The following LRP1B variants were observed in gnomAD, a reference collection of about 807,000 sequenced individuals.
LRP1B encodes the protein low-density lipoprotein receptor-related protein 1B.
Under a neutral mutation model 556.6 loss-of-function variants are expected in LRP1B, and 217 were observed. That is an observed-to-expected ratio of 0.39 (90% CI 0.35 to 0.44). The LOEUF is 0.44. Among genes scored for constraint, LRP1B ranks in the 20% least tolerant of loss-of-function variants. The pLI is 1.00. For synonymous variants in LRP1B, 2,047 were observed against 1,865.8 expected, an observed-to-expected ratio of 1.10 and a Z score of -2.50; for missense variants, 5,053 against 5,620.8, an observed-to-expected ratio of 0.90 and a Z score of 3.23.
intron 3 of LRP1B, among the ~76,000 whole-genome samples, chr2:141,278,690 T>G (rs1055001030): frequency 6.6e-6 from 1 of 152,154 alleles, no homozygotes; most frequent in African/African-American, 2.4e-5. Context: ...GAGGCCTGCT[T>G]TGTTGAAGCT....
intron 1 of LRP1B, among the ~76,000 whole-genome samples, chr2:141,927,274 T>C (rs1027611710): frequency 1.3e-5 from 2 of 152,176 alleles, no homozygotes; most frequent in African/African-American, 4.8e-5. Flanking sequence ...GAACTATGGG[T>C]AAATGTTGTG....
rs1461766852 is a variant in LRP1B at position 142,008,155 on chromosome 2, C to T, written c.82+122493G>A. Among the ~76,000 whole-genome samples the T allele has an allele frequency of 9.9e-5, 15 of 152,166 alleles. 1 individual carries two copies. On this transcript the variant is annotated intron_variant, in intron 1 of 90. Coordinates refer to ENST00000389484, the MANE Select transcript of LRP1B (RefSeq NM_018557.3). ...TACTAAAGGTCCTTGTTAGGCTACCCAAGTGGGCACATAGATTTAACCTTG... is the reference window on the plus strand; with the variant it reads ...TACTAAAGGTCCTTGTTAGGCTACCTAAGTGGGCACATAGATTTAACCTTG...
intron 51 of LRP1B, among the ~76,000 whole-genome samples, chr2:140,510,893 T>C (rs1374556643): frequency 6.6e-6 from 1 of 152,178 alleles, no homozygotes; most frequent in Non-Finnish European, 1.5e-5. Context: ...TCCCTCATGA[T>C]ATTTTCCTAG....
intron 31 of LRP1B, among the ~76,000 whole-genome samples, chr2:140,826,644 G>A (rs1014845633): frequency 6.6e-6 from 1 of 152,136 alleles, no homozygotes; most frequent in Admixed American, 6.5e-5. Context: ...CAGGCACCAT[G>A]CATGAATGAT....
chr2:140,815,869 T>C (rs1318826659), intron 31 of LRP1B, among the ~76,000 whole-genome samples: 1 of 67,232 alleles, frequency 1.5e-5, no homozygotes, highest in East Asian at 5.4e-4. Flanking sequence ...TTGTCTCTCT[T>C]TTTTTTTTTT....
At chr2:141,254,377 T>TG (rs899840953) in intron 4 of LRP1B, 145 bp downstream of exon 4, 50 of 740,090 alleles carry the variant, frequency 6.8e-5, no homozygotes, top group South Asian at 7.3e-5. Flanking sequence ...ATGTTTTTGT[T>TG]GGGGGGGCAA....
At chr2:140,580,870 G>A (rs949309216) in intron 43 of LRP1B, among the ~76,000 whole-genome samples, 1 of 152,220 alleles carries the variant, frequency 6.6e-6, no homozygotes, top group Non-Finnish European at 1.5e-5. Context: ...CCTCCTGGAT[G>A]TGTCAATTTG....
intron 3 of LRP1B, among the ~76,000 whole-genome samples, chr2:141,290,352 T>A (rs981926084): frequency 9.2e-5 from 14 of 152,188 alleles, no homozygotes; most frequent in African/African-American, 3.4e-4. Flanking sequence ...TTTTTATATT[T>A]AATTTAAAAA....
chr2:141,121,458 G>A (rs1444818480), intron 7 of LRP1B, among the ~76,000 whole-genome samples: 1 of 152,010 alleles, frequency 6.6e-6, no homozygotes, highest in East Asian at 1.9e-4. Context: ...ACCAATAACA[G>A]ACAAACAGAG....
intron 22 of LRP1B, 103 bp downstream of exon 22, chr2:140,907,774 G>A (rs1694299166): frequency 2.0e-6 from 2 of 991,996 alleles, no homozygotes; most frequent in Admixed American, 3.7e-5. Flanking sequence ...TACATTTAAA[G>A]GGAATGAATG....
chr2:142,045,363 C>T (rs1022109471), intron 1 of LRP1B, among the ~76,000 whole-genome samples: 7 of 151,826 alleles, frequency 4.6e-5, no homozygotes, highest in African/African-American at 1.4e-4. Flanking sequence ...CGTCACCGTG[C>T]TTGCTTTTCA....
At chr2:141,801,255 G>A (rs542441126) in intron 2 of LRP1B, among the ~76,000 whole-genome samples, 1 of 152,204 alleles carries the variant, frequency 6.6e-6, no homozygotes, top group South Asian at 2.1e-4. Context: ...CTTAGGTCAA[G>A]TATACAAGTT....
intron 21 of LRP1B, among the ~76,000 whole-genome samples, chr2:140,914,186 G>T (rs1345242106): frequency 6.6e-6 from 1 of 152,084 alleles, no homozygotes; most frequent in East Asian, 1.9e-4. Context: ...GGATAGAGTG[G>T]ATTGAAGCTA....
intron 1 of LRP1B, among the ~76,000 whole-genome samples, chr2:141,896,645 C>A (rs908642520): frequency 6.6e-6 from 1 of 151,988 alleles, no homozygotes; most frequent in Non-Finnish European, 1.5e-5. Context: ...CAAATGCAAA[C>A]AAAAATGTAG....
intron 3 of LRP1B, among the ~76,000 whole-genome samples, chr2:141,415,496 T>A (rs1691064850): frequency 1.3e-5 from 2 of 152,184 alleles, no homozygotes; most frequent in Non-Finnish European, 2.9e-5. Flanking sequence ...ATAAAATATA[T>A]TTTTTACAGA....
At chr2:141,840,499 C>T (rs549820696) in intron 1 of LRP1B, among the ~76,000 whole-genome samples, 3 of 151,900 alleles carry the variant, frequency 2.0e-5, no homozygotes, top group East Asian at 1.9e-4. Flanking sequence ...CCTCGTGATC[C>T]GCCCGCCTCG....
At chr2:140,307,671 T>A (rs1159765419) in intron 83 of LRP1B, among the ~76,000 whole-genome samples, 6 of 151,924 alleles carry the variant, frequency 3.9e-5, no homozygotes, top group Admixed American at 3.3e-4. Context: ...GGTTACATTG[T>A]ACCTCCAGTA....
intron 67 of LRP1B, among the ~76,000 whole-genome samples, chr2:140,385,120 G>A (rs1683700636): frequency 1.3e-5 from 2 of 152,090 alleles, no homozygotes; most frequent in African/African-American, 4.8e-5. Flanking sequence ...GTGGTGGCAT[G>A]CTTCCGTAGT....
chr2:141,379,421 T>C (rs1689558463), intron 3 of LRP1B, among the ~76,000 whole-genome samples: 2 of 152,156 alleles, frequency 1.3e-5, no homozygotes, highest in African/African-American at 4.8e-5. Flanking sequence ...AGCTACAGAC[T>C]CTTCCATTAC....
Sources: gnomAD v4.1 joint callset for allele counts (sites outside exome capture counted in the v4.1 genomes callset) on GRCh38, gnomAD v4.1.1 for gene constraint, MANE v1.5 for transcripts, NCBI Gene and HGNC (gene_info 2026-07-23, HGNC 2026-07-21) for gene names.